Variants in AAK1 observed in about 807,000 individuals in gnomAD.
The protein encoded by AAK1 is AP2 associated kinase 1.
A neutral mutation model predicts 116.0 loss-of-function variants in AAK1; 37 were observed. That is an observed-to-expected ratio of 0.32 (90% CI 0.25 to 0.42). The LOEUF (loss-of-function observed/expected upper bound fraction) is 0.42. Ranked by LOEUF, AAK1 falls within the 10% of genes least tolerant of loss-of-function variation. AAK1 has a pLI of 1.00. For missense variants in AAK1, 919 were observed against 1,170.6 expected (o/e 0.79, Z 3.14); for synonymous variants, 458 against 439.9 (o/e 1.04, Z -0.51).
intron 17 of AAK1, among the ~76,000 whole-genome samples, chr2:69,483,102 G>A (rs116581857): frequency 0.013 from 2,036 of 152,136 alleles, 14 homozygotes; most frequent in Non-Finnish European, 0.019. Context: ...AATAAAAGTC[G>A]CCCATTTTAA....
In AAK1 at chr2:69,475,580, G is replaced by A; in HGVS notation, c.*289C>T. 8.7e-7 allele frequency: 1 copy of A among 1,150,458 alleles called. No individual in the cohort carries two copies. Among genetic ancestry groups the A allele is most frequent in the African/African-American group, 1.6e-5 (1 of 63,140 alleles). The allele number at this position is 1,150,458 out of a possible 1,614,324, so 71.3% of individuals were successfully genotyped here. A position where few individuals can be genotyped will look rare whatever the true frequency, so the allele number is the denominator to read the frequency against. ...TTTTGGTGGAGTTGATTCCAGCAGA[G>A]GTGAAGCTCATGGCATCTAGTGCTT... On this transcript the variant is annotated 3_prime_UTR_variant, in exon 22 of 22. Transcript: ENST00000409085.
At chr2:69,555,353 T>G (rs1008227661) in intron 3 of AAK1, among the ~76,000 whole-genome samples, 2 of 152,200 alleles carry the variant, frequency 1.3e-5, no homozygotes, top group East Asian at 3.9e-4. Context: ...CCAAATAGTT[T>G]TGGCTTTCTA....
At chr2:69,549,521 G>A (rs1036953321) in intron 3 of AAK1, among the ~76,000 whole-genome samples, 8 of 151,992 alleles carry the variant, frequency 5.3e-5, no homozygotes, top group Non-Finnish European at 8.8e-5. Context: ...GCTTTGCTCT[G>A]CTACATTCTT....
At chr2:69,508,254 G>A (rs1018066162) in intron 14 of AAK1, among the ~76,000 whole-genome samples, 1 of 152,206 alleles carries the variant, frequency 6.6e-6, no homozygotes, top group Non-Finnish European at 1.5e-5. Flanking sequence ...ACCTCTGGAA[G>A]GGCAGGAAAG....
At chr2:69,501,516 C>G (rs1301799909) in intron 16 of AAK1, among the ~76,000 whole-genome samples, 1 of 152,096 alleles carries the variant, frequency 6.6e-6, no homozygotes, top group Non-Finnish European at 1.5e-5. Context: ...ATGACAAAGC[C>G]TCCCTGAAGA....
chr2:69,472,017 A>G lies in AAK1; in HGVS notation c.*3852T>C. 1.0e-6 allele frequency: 1 copy of G among 985,438 alleles called. No homozygotes were observed. The highest frequency in any genetic ancestry group is 1.7e-5 in the African/African-American group (1 of 57,380). The allele number at this position is 985,438 out of a possible 1,614,324, so 61.0% of individuals were successfully genotyped here. On this transcript the variant is annotated 3_prime_UTR_variant, in exon 22 of 22. Transcript: ENST00000409085. The stretch of plus-strand genomic sequence containing the variant: ...TTCAGGAAGAGCGAAGTCCAATATC[A>G]AATAACACTGAACAAAGTGACAACT...
chr2:69,504,891 T>C (rs540271146), intron 16 of AAK1, among the ~76,000 whole-genome samples: 2 of 152,344 alleles, frequency 1.3e-5, no homozygotes, highest in South Asian at 4.1e-4. Context: ...ATAGTATCCC[T>C]AGACTATCTC....
rs368980883 is a variant in AAK1, at chr2:69,491,406, C to T, written c.2365+4579G>A. Among the ~76,000 whole-genome samples the T allele has an allele frequency of 3.3e-5, 5 of 152,162 alleles. No homozygotes were observed. The East Asian group carries it at 9.6e-4, about 29-fold the overall frequency. ...GCAGCTTTGTAAGCATACAAATGTT[C>T]ATGGCTATGATTTTCATATTCCAGA... is the stretch of plus-strand genomic sequence containing the variant. On this transcript the variant is annotated intron_variant, in intron 17 of 21. Coordinates refer to ENST00000409085, the MANE Select transcript of AAK1 (RefSeq NM_014911.5).
intron 2 of AAK1, among the ~76,000 whole-genome samples, chr2:69,629,648 T>C (rs1675074789): frequency 6.6e-6 from 1 of 152,232 alleles, no homozygotes; most frequent in Non-Finnish European, 1.5e-5. Context: ...GAGGTTTGTA[T>C]ATCTCAAATC....
At chr2:69,559,296 ACACT>A (rs59882629) in intron 2 of AAK1, among the ~76,000 whole-genome samples, 39,799 of 128,768 alleles carry the variant, frequency 0.31, 5,168 homozygotes, top group East Asian at 0.45. Context: ...ACACACACAC[ACACT>A]CTCTCTCTCC....
At chr2:69,536,966 T>C (rs1237771852) in intron 5 of AAK1, among the ~76,000 whole-genome samples, 1 of 152,256 alleles carries the variant, frequency 6.6e-6, no homozygotes, top group Non-Finnish European at 1.5e-5. Flanking sequence ...TGAATGTGCA[T>C]GTTAAGCCTT....
intron 9 of AAK1, 39 bp from the exon 10 acceptor site, chr2:69,525,151 C>T (rs201315875): frequency 2.5e-6 from 4 of 1,590,542 alleles, no homozygotes; most frequent in East Asian, 4.5e-5. Context: ...AACAAAAGGA[C>T]ATCACAGATT....
chr2:69,534,929 A>T (rs976043031), intron 5 of AAK1, among the ~76,000 whole-genome samples: 10 of 152,232 alleles, frequency 6.6e-5, no homozygotes, highest in African/African-American at 2.4e-4. Flanking sequence ...TGCCTTCCCA[A>T]GTAAGAATAC....
intron 2 of AAK1, among the ~76,000 whole-genome samples, chr2:69,601,391 T>A (rs1028373299): frequency 3.3e-5 from 5 of 152,216 alleles, no homozygotes; most frequent in African/African-American, 1.2e-4. Flanking sequence ...TGCTTGTTTA[T>A]AGGTGATTCA....
chr2:69,628,240 GT>G (rs1387692895), intron 2 of AAK1, among the ~76,000 whole-genome samples: 1 of 151,594 alleles, frequency 6.6e-6, no homozygotes, highest in Non-Finnish European at 1.5e-5. Flanking sequence ...AAAACCAGAA[GT>G]TTGAGACCAG....
At chr2:69,531,922 G>A (rs2105026697) in intron 6 of AAK1, 119 bp downstream of exon 6, 1 of 1,463,414 alleles carries the variant, frequency 6.8e-7, no homozygotes, top group Middle Eastern at 1.9e-4. Flanking sequence ...GATGCTCTGA[G>A]ATGAAGGACA....
chr2:69,603,845 T>C (rs1032931751), intron 2 of AAK1, among the ~76,000 whole-genome samples: 9 of 152,080 alleles, frequency 5.9e-5, no homozygotes, highest in Admixed American at 5.2e-4. Flanking sequence ...GTTTCAGGAG[T>C]TGGCAGCAGG....
chr2:69,491,177 T>C (rs1675507483), intron 17 of AAK1, among the ~76,000 whole-genome samples: 1 of 151,906 alleles, frequency 6.6e-6, no homozygotes, highest in African/African-American at 2.4e-5. Context: ...ACTCCCAGGC[T>C]CAAGTGATCC....
Position 69,466,392 on chromosome 2 carries a change from G to A in AAK1, c.*9477C>T. 7.8e-7 allele frequency: 1 copy of A among 1,289,842 alleles called. No homozygotes were observed. The highest frequency in any genetic ancestry group is 1.0e-6 in the Non-Finnish European group (1 of 988,864). The allele number at this position is 1,289,842 out of a possible 1,614,324, so 79.9% of individuals were successfully genotyped here. Reference sequence around the variant, plus strand: ...GCTGTGGAATGAGCTGTTGCTTGAAGGGCCATCTCTGGCCAAGTAGTCAGA... The same window carrying A: ...GCTGTGGAATGAGCTGTTGCTTGAAAGGCCATCTCTGGCCAAGTAGTCAGA... On this transcript the variant is annotated 3_prime_UTR_variant, in exon 22 of 22. Transcript: ENST00000409085.
Sources: allele counts gnomAD v4.1 joint callset (sites outside exome capture counted in the v4.1 genomes callset), GRCh38; gene constraint gnomAD v4.1.1; transcripts MANE v1.5; gene names NCBI Gene and HGNC (gene_info 2026-07-23, HGNC 2026-07-21).